Variants in TOX observed in about 807,000 individuals in gnomAD.
TOX encodes the protein thymocyte selection-associated high mobility group box protein TOX.
Under a neutral mutation model 53.7 loss-of-function variants are expected in TOX, and 11 were observed. The observed-to-expected ratio is 0.20, with a 90% CI of 0.13 to 0.34. TOX has a LOEUF of 0.34. TOX is among the 10% of genes least tolerant of loss of function. The pLI is 1.00. For missense variants in TOX, 570 were observed against 664.6 expected (o/e 0.86, Z 1.56); for synonymous variants, 225 against 245.3 (o/e 0.92, Z 0.77).
At chr8:58,821,174 A>G (rs1204857213) in intron 6 of TOX, among the ~76,000 whole-genome samples, 1 of 152,154 alleles carries the variant, frequency 6.6e-6, no homozygotes, top group East Asian at 1.9e-4. Flanking sequence ...AAATGCATCT[A>G]TGATGCAAAA....
intron 3 of TOX, among the ~76,000 whole-genome samples, chr8:58,856,562 C>T (rs928927170): frequency 1.3e-5 from 2 of 152,096 alleles, no homozygotes; most frequent in African/African-American, 4.8e-5. Flanking sequence ...GTGGCAGAAG[C>T]CTCAAGCTAC....
chr8:58,861,613 A>G (rs752686840), intron 3 of TOX, among the ~76,000 whole-genome samples: 4 of 152,230 alleles, frequency 2.6e-5, no homozygotes, highest in Non-Finnish European at 5.9e-5. Flanking sequence ...ATTGAAATAA[A>G]AAGAATGGAT....
chr8:59,057,478 T>G (rs2129421705), intron 1 of TOX, among the ~76,000 whole-genome samples: 1 of 152,294 alleles, frequency 6.6e-6, no homozygotes, highest in South Asian at 2.1e-4. Context: ...AAGTATTAGT[T>G]CCTAGTATCT....
At chr8:59,041,857 CTG>C (rs1388701400) in intron 1 of TOX, among the ~76,000 whole-genome samples, 1 of 152,216 alleles carries the variant, frequency 6.6e-6, no homozygotes, top group Non-Finnish European at 1.5e-5. Flanking sequence ...AAGAGTCTCT[CTG>C]AGATCTCTTC....
At position 59,117,721 on chromosome 8, in the gene TOX, G is replaced by A. The variant is rs113131885; in HGVS notation, c.102+1165C>T. Among the ~76,000 whole-genome samples, 103 of 152,354 alleles carry A rather than the reference G, an allele frequency of 6.8e-4. No individual in the cohort carries two copies. The highest frequency in any genetic ancestry group is 3.4e-3 in the Middle Eastern group (1 of 294). On this transcript the variant is annotated intron_variant, in intron 1 of 8. Coordinates refer to ENST00000361421, the MANE Select transcript of TOX (RefSeq NM_014729.3). The surrounding 1 kb of genome is among the most constrained non-coding windows in gnomAD (Gnocchi z 4.6). ...GTCCCAACGATTTTTCCCGTGGAAT[G>A]CACCGAGGGTCGCCATGGATGTGCC...
chr8:58,889,163 A>G (rs1292028031), intron 3 of TOX, among the ~76,000 whole-genome samples: 7 of 150,740 alleles, frequency 4.6e-5, no homozygotes, highest in African/African-American at 1.7e-4. Flanking sequence ...ACTTACACTC[A>G]TATAAGATAT....
chr8:58,973,220 G>A (rs34677816), intron 1 of TOX, among the ~76,000 whole-genome samples: 10,062 of 152,196 alleles, frequency 0.066, 411 homozygotes, highest in East Asian at 0.21. Flanking sequence ...CAGGAAATAT[G>A]CCACGTCTAA....
At chr8:59,037,899 G>A (rs1228922506) in intron 1 of TOX, among the ~76,000 whole-genome samples, 2 of 151,544 alleles carry the variant, frequency 1.3e-5, no homozygotes, top group East Asian at 3.9e-4. Context: ...AACATCAAAT[G>A]TGTGTGTTCA....
chr8:58,961,185 G>A (rs771399768), intron 1 of TOX, among the ~76,000 whole-genome samples: 12 of 152,002 alleles, frequency 7.9e-5, no homozygotes, highest in Non-Finnish European at 8.8e-5. Flanking sequence ...CATGAGGGTC[G>A]CTCACAGCCT....
intron 3 of TOX, among the ~76,000 whole-genome samples, chr8:58,915,060 G>A (rs1476144504): frequency 6.7e-6 from 1 of 148,748 alleles, no homozygotes; most frequent in Non-Finnish European, 1.5e-5. Context: ...TACGCCCACG[G>A]AATCTCGCTG....
At chr8:58,950,808 G>A (rs1347360143) in intron 2 of TOX, among the ~76,000 whole-genome samples, 33 of 152,158 alleles carry the variant, frequency 2.2e-4, no homozygotes. Flanking sequence ...AAGTAGTGGA[G>A]TGTGGAGGGA....
At chr8:58,897,494 A>G (rs867118817) in intron 3 of TOX, among the ~76,000 whole-genome samples, 83 of 152,336 alleles carry the variant, frequency 5.4e-4, no homozygotes, top group Admixed American at 1.5e-3. Context: ...AGAGAAATTT[A>G]TCACTCAAAA....
At position 58,851,482 on chromosome 8, in the gene TOX, AAGAATAGTCTCCCAT is replaced by A; in HGVS notation, c.693+27_693+41del. ...CCAGCACAGGTCAAAGAAGGTGCCT[AAGAATAGTCTCCCAT>A]AGGTCCTAAAAATAACTTATTCATA... On this transcript the variant is annotated intron_variant, in intron 4 of 8. Coordinates refer to ENST00000361421, the MANE Select transcript of TOX (RefSeq NM_014729.3). This position sits in a 1 kb window ranked among gnomAD's most constrained non-coding sequence, Gnocchi z 4.4. The A allele has an allele frequency of 3.1e-6, 5 of 1,603,136 alleles. No homozygotes were observed. Among genetic ancestry groups the A allele is most frequent in the Non-Finnish European group, 4.3e-6 (5 of 1,173,960 alleles).
chr8:58,989,817 C>T (rs973790093), intron 1 of TOX, among the ~76,000 whole-genome samples: 2 of 152,176 alleles, frequency 1.3e-5, no homozygotes, highest in African/African-American at 2.4e-5. Flanking sequence ...GGCTCAAAAC[C>T]AAAGCCTTCG....
chr8:58,854,711 G>A (rs1362378220), intron 3 of TOX, among the ~76,000 whole-genome samples: 2 of 152,122 alleles, frequency 1.3e-5, no homozygotes, highest in African/African-American at 4.8e-5. Context: ...TTCCTGTGTG[G>A]AGCATGGCAA....
At chr8:58,845,652 T>A (rs1269312249) in intron 4 of TOX, among the ~76,000 whole-genome samples, 1 of 152,110 alleles carries the variant, frequency 6.6e-6, no homozygotes, top group Non-Finnish European at 1.5e-5. Flanking sequence ...GTGTGGGGCA[T>A]TGTATCAGTG....
At chr8:58,914,892 A>G (rs1167338395) in intron 3 of TOX, among the ~76,000 whole-genome samples, 3 of 152,042 alleles carry the variant, frequency 2.0e-5, no homozygotes, top group African/African-American at 7.2e-5. Context: ...TCACCTGGGA[A>G]GCGCAAGGGG....
chr8:58,927,582 A>G (rs1812186352), intron 3 of TOX, among the ~76,000 whole-genome samples: 1 of 152,192 alleles, frequency 6.6e-6, no homozygotes, highest in Non-Finnish European at 1.5e-5. Context: ...TGTGTAAAAC[A>G]CCTAGCCCAG....
chr8:58,947,162 C>G (rs1437402410), intron 2 of TOX, among the ~76,000 whole-genome samples: 4 of 151,916 alleles, frequency 2.6e-5, no homozygotes, highest in Admixed American at 2.6e-4. Context: ...GTTTTTTATT[C>G]TTCTCTAAAA....
Sources: gnomAD v4.1 joint callset for allele counts (sites outside exome capture counted in the v4.1 genomes callset) on GRCh38, gnomAD v4.1.1 for gene constraint, Gnocchi (gnomAD v3.1) non-coding constraint, MANE v1.5 for transcripts, NCBI Gene and HGNC (gene_info 2026-07-23, HGNC 2026-07-21) for gene names.